The following JAZF1 variants were observed in gnomAD, a reference collection of about 807,000 sequenced individuals.
The protein encoded by JAZF1 is JAZF zinc finger 1, also known as juxtaposed with another zinc finger protein 1.
A neutral mutation model predicts 26.4 loss-of-function variants in JAZF1; 8 were observed. The ratio of observed to expected loss-of-function variants is 0.30; its 90% CI spans 0.18 to 0.55. The LOEUF (loss-of-function observed/expected upper bound fraction) is 0.55, where lower values mean the gene tolerates loss of function less well. Ranked by LOEUF, JAZF1 falls within the 20% of genes least tolerant of loss-of-function variation. The pLI, the probability that JAZF1 is intolerant of heterozygous loss-of-function variation, is 0.94. For missense variants in JAZF1, 199 were observed against 322.0 expected (o/e 0.62, Z 2.92); for synonymous variants, 126 against 122.3 (o/e 1.03, Z -0.20).
At chr7:28,171,082 G>C (rs1411419003) in intron 1 of JAZF1, among the ~76,000 whole-genome samples, 1 of 152,190 alleles carries the variant, frequency 6.6e-6, no homozygotes, top group Non-Finnish European at 1.5e-5. Flanking sequence ...AAAAGCTCAA[G>C]TTAGTGAGAT....
intron 1 of JAZF1, among the ~76,000 whole-genome samples, chr7:28,172,084 T>C (rs1295097252): frequency 2.0e-5 from 3 of 152,240 alleles, no homozygotes; most frequent in African/African-American, 7.2e-5. Flanking sequence ...TGTGTATTAA[T>C]TAACTTCCTG....
Position 28,051,126 on chromosome 7 carries a change from C to T in JAZF1, c.116-59145G>A, listed in dbSNP as rs192328764. On this transcript the variant is annotated intron_variant, in intron 1 of 4. Coordinates refer to ENST00000283928, the MANE Select transcript of JAZF1 (RefSeq NM_175061.4). ...CAGCCCAGGCGATAGTGCAAGACTC[C>T]ATCTCAAAAAAAAAAAAAAAAAAAA... is the stretch of plus-strand genomic sequence containing the variant. 6.9e-3 allele frequency among the ~76,000 whole-genome samples: 716 copies of T among 103,500 alleles called. 3 individuals carry two copies. The highest frequency in any genetic ancestry group is 0.015 in the Middle Eastern group (3 of 202). 67.9% of individuals were successfully genotyped at this position (103,500 alleles called of 152,430 possible).
intron 1 of JAZF1, among the ~76,000 whole-genome samples, chr7:28,064,350 G>A (rs1312863504): frequency 6.6e-6 from 1 of 151,990 alleles, no homozygotes; most frequent in South Asian, 2.1e-4. Flanking sequence ...TCGTATATAA[G>A]CAAATGCTTT....
intron 1 of JAZF1, among the ~76,000 whole-genome samples, chr7:28,156,968 G>A (rs568620523): frequency 2.6e-5 from 4 of 152,248 alleles, no homozygotes; most frequent in South Asian, 4.1e-4. Context: ...TCCATACTAC[G>A]TATAAATAAA....
At chr7:27,848,819 C>T (rs770106520) in intron 3 of JAZF1, among the ~76,000 whole-genome samples, 13 of 152,208 alleles carry the variant, frequency 8.5e-5, no homozygotes, top group Non-Finnish European at 1.8e-4. Flanking sequence ...TATACCCAAA[C>T]CTACCTGTGC....
intron 1 of JAZF1, among the ~76,000 whole-genome samples, chr7:27,994,042 T>C (rs763354959): frequency 6.6e-6 from 1 of 152,194 alleles, no homozygotes; most frequent in African/African-American, 2.4e-5. Flanking sequence ...ATATAATTTC[T>C]AAAATGTTCT....
intron 1 of JAZF1, among the ~76,000 whole-genome samples, chr7:28,094,799 G>T (rs557199065): frequency 6.6e-6 from 1 of 152,024 alleles, no homozygotes; most frequent in East Asian, 1.9e-4. Context: ...GCCCCACCCT[G>T]TGGCCAGAGG....
intron 3 of JAZF1, among the ~76,000 whole-genome samples, chr7:27,860,305 T>A (rs1315351607): frequency 1.3e-5 from 2 of 152,202 alleles, no homozygotes; most frequent in African/African-American, 4.8e-5. Flanking sequence ...GTCATTTCAC[T>A]TAAAGTGAAA....
intron 1 of JAZF1, among the ~76,000 whole-genome samples, chr7:28,113,706 C>T (rs1475260115): frequency 6.6e-6 from 1 of 152,194 alleles, no homozygotes; most frequent in African/African-American, 2.4e-5. Flanking sequence ...GCGAAGTCCA[C>T]ACCACTACGT....
At chr7:27,895,130 C>G (rs1350219329) in intron 3 of JAZF1, 90 bp downstream of exon 3, 1 of 772,924 alleles carries the variant, frequency 1.3e-6, no homozygotes, top group Non-Finnish European at 2.0e-6. Flanking sequence ...CGTCATCTGT[C>G]CCCAGCCCCT....
At chr7:27,937,243 A>C (rs1228255215) in intron 2 of JAZF1, among the ~76,000 whole-genome samples, 1 of 152,200 alleles carries the variant, frequency 6.6e-6, no homozygotes. Context: ...CATAGGCTTA[A>C]TGTTTAAAAA....
intron 3 of JAZF1, among the ~76,000 whole-genome samples, chr7:27,860,297 C>T (rs1443238751): frequency 6.6e-6 from 1 of 152,302 alleles, no homozygotes; most frequent in East Asian, 1.9e-4. Context: ...TGTTATATGT[C>T]ATTTCACTTA....
chr7:28,084,467 C>T (rs184760047), intron 1 of JAZF1, among the ~76,000 whole-genome samples: 3 of 152,304 alleles, frequency 2.0e-5, no homozygotes, highest in Admixed American at 6.5e-5. Flanking sequence ...GTTCTGACCA[C>T]GGCCTCCAAT....
intron 2 of JAZF1, among the ~76,000 whole-genome samples, chr7:27,962,075 C>A (rs1163465031): frequency 6.6e-6 from 1 of 152,176 alleles, no homozygotes; most frequent in Non-Finnish European, 1.5e-5. Flanking sequence ...CATAAACACT[C>A]TTTGCTTTTT....
At chr7:27,984,736 A>G (rs1482249373) in intron 2 of JAZF1, among the ~76,000 whole-genome samples, 6 of 152,230 alleles carry the variant, frequency 3.9e-5, no homozygotes, top group Admixed American at 2.0e-4. Context: ...AAAAGAACAG[A>G]AATTATAACA....
intron 2 of JAZF1, among the ~76,000 whole-genome samples, chr7:27,947,898 C>T (rs1018064981): frequency 4.6e-5 from 7 of 152,180 alleles, no homozygotes; most frequent in Non-Finnish European, 8.8e-5. Context: ...GTGTCTCAGA[C>T]AAGCCGTCTC....
At chr7:28,078,887 T>C (rs966559221) in intron 1 of JAZF1, among the ~76,000 whole-genome samples, 1 of 152,226 alleles carries the variant, frequency 6.6e-6, no homozygotes, top group African/African-American at 2.4e-5. Flanking sequence ...GTTTTGCCTG[T>C]ACTCTAGAAC....
intron 2 of JAZF1, among the ~76,000 whole-genome samples, chr7:27,953,216 T>C (rs976591582): frequency 1.3e-5 from 2 of 152,212 alleles, no homozygotes; most frequent in African/African-American, 2.4e-5. Flanking sequence ...CAATGGGTAA[T>C]TTTTTAAGCT....
At chr7:28,093,604 A>G (rs754284986) in intron 1 of JAZF1, among the ~76,000 whole-genome samples, 1 of 152,220 alleles carries the variant, frequency 6.6e-6, no homozygotes, top group Non-Finnish European at 1.5e-5. Context: ...CTTTCAATTT[A>G]CTAAAAATTT....
Sources: allele counts gnomAD v4.1 joint callset (sites outside exome capture counted in the v4.1 genomes callset), GRCh38; gene constraint gnomAD v4.1.1; transcripts MANE v1.5; gene names NCBI Gene and HGNC (gene_info 2026-07-23, HGNC 2026-07-21).